The following IL1RAPL2 variants were observed in gnomAD, a reference collection of about 807,000 sequenced individuals.
IL1RAPL2 encodes interleukin 1 receptor accessory protein like 2.
In IL1RAPL2, 3 loss-of-function variants were observed where a neutral mutation model predicts 44.1. The observed-to-expected ratio is 0.07, with a 90% CI of 0.03 to 0.18. IL1RAPL2 has a LOEUF of 0.18. Among genes scored for constraint, IL1RAPL2 ranks in the 10% least tolerant of loss-of-function variants. The pLI, the probability that IL1RAPL2 is intolerant of heterozygous loss-of-function variation, is 1.00. For missense variants in IL1RAPL2, 391 were observed against 496.4 expected (o/e 0.79, Z 2.02); for synonymous variants, 181 against 178.8 (o/e 1.01, Z -0.10).
Position 105,408,097 on chromosome X carries a change from A to G in IL1RAPL2, c.698-76216A>G, listed in dbSNP as rs190946906. 2.8e-3 allele frequency among the ~76,000 whole-genome samples: 317 copies of G among 112,182 alleles called. 1 individual carries two copies. The highest frequency in any genetic ancestry group is 9.7e-3 in the African/African-American group (301 of 30,945). Reference sequence around the variant, plus strand: ...GCAATGTAATATAATTGCAGCTAGAACCCTACAGTGGAGAATGAGGAATTT... The same window carrying G: ...GCAATGTAATATAATTGCAGCTAGAGCCCTACAGTGGAGAATGAGGAATTT... On this transcript the variant is annotated intron_variant, in intron 5 of 10. Transcript: ENST00000372582.
At chrX:104,612,619 C>T (rs1929185717) in intron 1 of IL1RAPL2, among the ~76,000 whole-genome samples, 1 of 111,656 alleles carries the variant, frequency 9.0e-6, no homozygotes, top group South Asian at 3.7e-4. Flanking sequence ...GTGATGCCTC[C>T]AGCTTTCTTT....
intron 7 of IL1RAPL2, among the ~76,000 whole-genome samples, chrX:105,734,590 TCTTG>T (rs2038431867): frequency 9.0e-6 from 1 of 110,638 alleles, no homozygotes; most frequent in Non-Finnish European, 1.9e-5. Flanking sequence ...AGATATGGGG[TCTTG>T]CTATGTTTCC....
At chrX:105,060,046 T>C (rs1432212397) in intron 2 of IL1RAPL2, among the ~76,000 whole-genome samples, 1 of 112,109 alleles carries the variant, frequency 8.9e-6, no homozygotes, top group Non-Finnish European at 1.9e-5. Context: ...CCTTAGTGCT[T>C]GTACTAATTT....
intron 2 of IL1RAPL2, among the ~76,000 whole-genome samples, chrX:104,776,173 G>C (rs1932715792): frequency 8.9e-6 from 1 of 111,923 alleles, no homozygotes; most frequent in Non-Finnish European, 1.9e-5. Flanking sequence ...ATAATAACTG[G>C]GGAACAAAGA....
intron 2 of IL1RAPL2, among the ~76,000 whole-genome samples, chrX:105,006,176 G>A (rs763126283): frequency 1.0e-4 from 11 of 110,454 alleles, no homozygotes; most frequent in African/African-American, 2.9e-4. Context: ...TGCTAATTCC[G>A]AGAAAGCCAT....
chrX:105,590,846 TG>T (rs2037165288), intron 6 of IL1RAPL2, among the ~76,000 whole-genome samples: 1 of 100,816 alleles, frequency 9.9e-6, no homozygotes, highest in Non-Finnish European at 1.9e-5. Context: ...TGTGTGTGTG[TG>T]TTTGTGTGTG....
intron 5 of IL1RAPL2, among the ~76,000 whole-genome samples, chrX:105,440,008 C>T (rs1004652416): frequency 2.7e-5 from 3 of 111,797 alleles, no homozygotes; most frequent in South Asian, 3.7e-4. Flanking sequence ...CAGACTCAGA[C>T]AGAAATGGTC....
chrX:104,577,397 G>T (rs373213319), intron 1 of IL1RAPL2, among the ~76,000 whole-genome samples: 7 of 111,913 alleles, frequency 6.3e-5, no homozygotes, highest in African/African-American at 2.3e-4. Context: ...TTCAAGCTCT[G>T]CTCAGGTGTA....
At chrX:105,382,702 A>G (rs2147724529) in intron 5 of IL1RAPL2, among the ~76,000 whole-genome samples, 1 of 104,667 alleles carries the variant, frequency 9.6e-6, no homozygotes, top group African/African-American at 3.9e-5. Flanking sequence ...TCACAATAGC[A>G]AAGACTTGGA....
At chrX:105,304,013 C>T (rs892711819) in intron 5 of IL1RAPL2, among the ~76,000 whole-genome samples, 1 of 112,887 alleles carries the variant, frequency 8.9e-6, no homozygotes, top group Non-Finnish European at 1.9e-5. Flanking sequence ...AAGTGAGGCT[C>T]CAGGGACAGC....
chrX:104,738,756 G>A (rs1033094235), intron 2 of IL1RAPL2, among the ~76,000 whole-genome samples: 2 of 111,227 alleles, frequency 1.8e-5, no homozygotes, highest in Admixed American at 9.6e-5. Flanking sequence ...CCTGGTCAAC[G>A]TGGTGAGACC....
rs192940325 is a variant in IL1RAPL2, at chrX:105,563,376, C to T, written c.772+78989C>T. On this transcript the variant is annotated intron_variant, in intron 6 of 10. Coordinates refer to ENST00000372582, the MANE Select transcript of IL1RAPL2 (RefSeq NM_017416.2). ...TACTTGGCATTTTTGATTCTGCTTA[C>T]AGGCAGGGAGATATGCACATTTTCT... 2.5e-4 allele frequency among the ~76,000 whole-genome samples: 28 copies of T among 111,666 alleles called. No homozygotes were observed. In the Admixed American group the frequency reaches 2.7e-3, roughly 11 times the overall value.
chrX:105,423,165 A>T (rs2035784949), intron 5 of IL1RAPL2, among the ~76,000 whole-genome samples: 1 of 112,019 alleles, frequency 8.9e-6, no homozygotes. Context: ...AAGAAAACTA[A>T]AAGCCATTTC....
At chrX:104,915,386 A>G (rs1390921694) in intron 2 of IL1RAPL2, among the ~76,000 whole-genome samples, 2 of 110,141 alleles carry the variant, frequency 1.8e-5, no homozygotes, top group African/African-American at 3.3e-5. Flanking sequence ...GTCTGTTCAT[A>G]TCCTTTGCCC....
chrX:104,910,041 A>G (rs1028933320), intron 2 of IL1RAPL2, among the ~76,000 whole-genome samples: 3 of 112,371 alleles, frequency 2.7e-5, no homozygotes, highest in African/African-American at 9.7e-5. Flanking sequence ...CCAGGTGGGG[A>G]ATATAATCTC....
chrX:104,937,558 G>A (rs6652904), intron 2 of IL1RAPL2, among the ~76,000 whole-genome samples: 1 of 112,280 alleles, frequency 8.9e-6, no homozygotes, highest in Non-Finnish European at 1.9e-5. Flanking sequence ...TGGATCCAAG[G>A]ATTGGCTGGG....
At chrX:104,723,354 A>G (rs773296626) in intron 2 of IL1RAPL2, among the ~76,000 whole-genome samples, 2 of 111,230 alleles carry the variant, frequency 1.8e-5, no homozygotes, top group African/African-American at 3.3e-5. Flanking sequence ...AGATACATGT[A>G]ACGTCCTGTT....
intron 1 of IL1RAPL2, among the ~76,000 whole-genome samples, chrX:104,601,176 C>T (rs958241573): frequency 1.4e-4 from 16 of 110,674 alleles, no homozygotes; most frequent in Admixed American, 2.9e-4. Flanking sequence ...ATGTGCACAA[C>T]GTGCAGGTTT....
intron 6 of IL1RAPL2, among the ~76,000 whole-genome samples, chrX:105,496,239 T>C (rs2036355893): frequency 8.9e-6 from 1 of 112,401 alleles, no homozygotes; most frequent in Admixed American, 9.4e-5. Flanking sequence ...TGATATCTCA[T>C]GTCTTCCTAA....
Sources: gnomAD v4.1 joint callset for allele counts (sites outside exome capture counted in the v4.1 genomes callset) on GRCh38, gnomAD v4.1.1 for gene constraint, MANE v1.5 for transcripts, NCBI Gene and HGNC (gene_info 2026-07-23, HGNC 2026-07-21) for gene names.